Variants in CNTNAP5 observed in about 807,000 individuals in gnomAD.
CNTNAP5 encodes contactin associated protein family member 5, also known as contactin-associated protein-like 5.
Under a neutral mutation model 150.2 loss-of-function variants are expected in CNTNAP5, and 72 were observed. The observed-to-expected ratio is 0.48, with a 90% CI of 0.40 to 0.58. The LOEUF is 0.58. CNTNAP5 is among the 20% of genes least tolerant of loss of function. The pLI, the probability that CNTNAP5 is intolerant of heterozygous loss-of-function variation, is 0.00. For missense variants in CNTNAP5, 1,636 were observed against 1,626.2 expected, an observed-to-expected ratio of 1.01 and a Z score of -0.10; for synonymous variants, 672 against 619.8, an observed-to-expected ratio of 1.08 and a Z score of -1.25.
intron 17 of CNTNAP5, among the ~76,000 whole-genome samples, chr2:124,787,689 T>C (rs922591179): frequency 2.0e-5 from 3 of 152,096 alleles, no homozygotes; most frequent in Non-Finnish European, 4.4e-5. Context: ...TTCCTTGCTT[T>C]CCTCAAAGCC....
At chr2:124,706,795 A>AGGAGG (rs1679656262) in intron 13 of CNTNAP5, among the ~76,000 whole-genome samples, 3 of 18,880 alleles carry the variant, frequency 1.6e-4, no homozygotes, top group Non-Finnish European at 3.1e-4. Flanking sequence ...GAAGAAGAAG[A>AGGAGG]AGGAGGAGGA....
chr2:124,156,393 A>G (rs1196414484), intron 1 of CNTNAP5, among the ~76,000 whole-genome samples: 2 of 152,230 alleles, frequency 1.3e-5, no homozygotes, highest in South Asian at 2.1e-4. Context: ...AATGATCATC[A>G]TGATGTCAAT....
At chr2:124,489,344 C>G (rs1432086016) in intron 7 of CNTNAP5, among the ~76,000 whole-genome samples, 1 of 152,144 alleles carries the variant, frequency 6.6e-6, no homozygotes, top group Non-Finnish European at 1.5e-5. Context: ...GTAGATGGCC[C>G]TCTTCTCCCT....
chr2:124,104,355 T>A (rs886893361), intron 1 of CNTNAP5, among the ~76,000 whole-genome samples: 1 of 152,096 alleles, frequency 6.6e-6, no homozygotes, highest in African/African-American at 2.4e-5. Context: ...CATTGAGAAA[T>A]TTTTTTCTCC....
intron 13 of CNTNAP5, among the ~76,000 whole-genome samples, chr2:124,682,834 C>T (rs1573545135): frequency 6.6e-6 from 1 of 152,038 alleles, no homozygotes; most frequent in African/African-American, 2.4e-5. Flanking sequence ...GCCACCTTAC[C>T]AGCTATGGAA....
At chr2:124,816,165 G>A (rs1468513790) in intron 19 of CNTNAP5, among the ~76,000 whole-genome samples, 2 of 152,202 alleles carry the variant, frequency 1.3e-5, no homozygotes, top group African/African-American at 4.8e-5. Context: ...TTCTACAAAT[G>A]TGCTGGATTA....
At chr2:124,030,599 G>A (rs1285609055) in intron 1 of CNTNAP5, among the ~76,000 whole-genome samples, 4 of 151,862 alleles carry the variant, frequency 2.6e-5, no homozygotes, top group Non-Finnish European at 5.9e-5. Context: ...TCTACCCATG[G>A]CAAAGGGCAT....
chr2:124,726,963 G>A (rs1680169327), intron 13 of CNTNAP5, among the ~76,000 whole-genome samples: 1 of 151,936 alleles, frequency 6.6e-6, no homozygotes, highest in South Asian at 2.1e-4. Flanking sequence ...ATTTTTACAG[G>A]TACAGGTCTT....
chr2:124,894,797 C>T (rs575526909), intron 21 of CNTNAP5, among the ~76,000 whole-genome samples: 2 of 151,494 alleles, frequency 1.3e-5, no homozygotes, highest in South Asian at 4.1e-4. Context: ...AAGCAATCCT[C>T]CTGCCTTGGC....
chr2:124,659,390 T>G (rs1258036661), intron 13 of CNTNAP5, among the ~76,000 whole-genome samples: 2 of 152,156 alleles, frequency 1.3e-5, no homozygotes, highest in African/African-American at 4.8e-5. Flanking sequence ...TAAATCATTA[T>G]CTTGGAAAGA....
At chr2:124,238,436 A>G (rs1438394120) in intron 2 of CNTNAP5, among the ~76,000 whole-genome samples, 1 of 152,184 alleles carries the variant, frequency 6.6e-6, no homozygotes, top group Non-Finnish European at 1.5e-5. Context: ...TATAGTTTGC[A>G]GAGTATGAGG....
chr2:124,356,186 G>A (rs1374951079), intron 3 of CNTNAP5, among the ~76,000 whole-genome samples: 1 of 151,882 alleles, frequency 6.6e-6, no homozygotes, highest in East Asian at 1.9e-4. Context: ...AAATATTTTA[G>A]AAGGTATAAA....
rs1461104699 is a variant in CNTNAP5, at chr2:124,918,595, G to T, written c.*4307G>T. ...TGAATTTTTTCTTAGGAAAGGAAAG[G>T]TCTTGACAGACTGTTCACCAACTGC... On this transcript the variant is annotated 3_prime_UTR_variant, in exon 24 of 24. Transcript: ENST00000682447. Among the ~76,000 whole-genome samples the T allele has an allele frequency of 6.6e-6, 1 of 152,028 alleles. No homozygotes were observed. The highest frequency in any genetic ancestry group is 1.5e-5 in the Non-Finnish European group (1 of 67,978).
chr2:124,490,056 T>C lies in CNTNAP5; in HGVS notation c.1063-14236T>C, dbSNP rs547879072. On this transcript the variant is annotated intron_variant, in intron 7 of 23. Coordinates refer to ENST00000682447, the MANE Select transcript of CNTNAP5 (RefSeq NM_001367498.1). Reference sequence around the variant, plus strand: ...AACAGGCAGAGTGCAGTGGCTTAATTATTATTAATTATTACACCTGTAATC... The same window carrying C: ...AACAGGCAGAGTGCAGTGGCTTAATCATTATTAATTATTACACCTGTAATC... Among the ~76,000 whole-genome samples the C allele has an allele frequency of 2.0e-5, 3 of 152,182 alleles. No homozygotes were observed. The South Asian group carries it at 6.2e-4, about 32-fold the overall frequency.
At chr2:124,081,799 C>T (rs1338520992) in intron 1 of CNTNAP5, among the ~76,000 whole-genome samples, 1 of 152,160 alleles carries the variant, frequency 6.6e-6, no homozygotes, top group Non-Finnish European at 1.5e-5. Flanking sequence ...GATTCACACG[C>T]GGTTGTAAGA....
intron 1 of CNTNAP5, among the ~76,000 whole-genome samples, chr2:124,036,578 G>A (rs1681227648): frequency 6.6e-6 from 1 of 152,030 alleles, no homozygotes; most frequent in African/African-American, 2.4e-5. Flanking sequence ...CTCTGATTCT[G>A]CAACAATCAG....
chr2:124,089,832 C>T (rs1682774419), intron 1 of CNTNAP5, among the ~76,000 whole-genome samples: 1 of 152,200 alleles, frequency 6.6e-6, no homozygotes, highest in South Asian at 2.1e-4. Context: ...CCTGGAATTT[C>T]CTGGCCTCAC....
intron 10 of CNTNAP5, among the ~76,000 whole-genome samples, chr2:124,537,324 TTTGTCTTGCATTA>T (rs1168207249): frequency 6.6e-6 from 1 of 152,100 alleles, no homozygotes; most frequent in Admixed American, 6.5e-5. Context: ...ATGATGCATT[TTTGTCTTGCATTA>T]AAATCACAAA....
chr2:124,145,835 A>AAAAAAAAAAAAAAAAAAAAAAG (rs1684235103), intron 1 of CNTNAP5, among the ~76,000 whole-genome samples: 1 of 49,796 alleles, frequency 2.0e-5, no homozygotes, highest in East Asian at 9.3e-4. Flanking sequence ...AAAAGAAGAA[A>AAAAAAAAAAAAAAAAAAAAAAG]AAAAAAAAAA....
Sources: allele counts gnomAD v4.1 joint callset (sites outside exome capture counted in the v4.1 genomes callset), GRCh38; gene constraint gnomAD v4.1.1; transcripts MANE v1.5; gene names NCBI Gene and HGNC (gene_info 2026-07-23, HGNC 2026-07-21).